ACADM: variants seen among roughly 807,000 people sequenced by gnomAD.
ACADM encodes the protein medium-chain specific acyl-CoA dehydrogenase, mitochondrial.
ACADM carries 49 observed loss-of-function variants against 58.9 expected under a neutral mutation model. The observed-to-expected ratio is 0.83, with a 90% CI of 0.66 to 1.06. The LOEUF (loss-of-function observed/expected upper bound fraction) is 1.06, where lower values mean the gene tolerates loss of function less well. Ranked by LOEUF, ACADM falls within the 50% of genes least tolerant of loss-of-function variation. ACADM has a pLI of 0.00. For synonymous variants in ACADM, 160 were observed against 157.7 expected, an observed-to-expected ratio of 1.01 and a Z score of -0.11; for missense variants, 496 against 507.0, an observed-to-expected ratio of 0.98 and a Z score of 0.21.
rs758921209 is a variant in ACADM, at chr1:75,724,745, T to G, written c.-43T>G. The G allele has an allele frequency of 6.5e-7, 1 of 1,542,938 alleles. No homozygotes were observed. Among genetic ancestry groups the G allele is most frequent in the Non-Finnish European group, 8.7e-7 (1 of 1,145,030 alleles). Reference sequence around the variant, plus strand: ...GCGTTCGGGGAGTATGTCAAGGCCGTGACCCGTGTATTATTGTCCGAGTGG... The same window carrying G: ...GCGTTCGGGGAGTATGTCAAGGCCGGGACCCGTGTATTATTGTCCGAGTGG... On this transcript the variant is annotated 5_prime_UTR_variant, in exon 1 of 12. The change abolishes the stop of an existing upstream ORF in the 5' untranslated region. Transcript: ENST00000370841.
chr1:75,741,532 CAGG>C (rs1215769889), intron 7 of ACADM, among the ~76,000 whole-genome samples: 5 of 152,120 alleles, frequency 3.3e-5, no homozygotes, highest in South Asian at 2.1e-4. Flanking sequence ...GAGGCTGAGG[CAGG>C]AGGATTGCTT....
At chr1:75,724,950 G>T (rs1647025103) in intron 1 of ACADM, 133 bp downstream of exon 1, 1 of 863,016 alleles carries the variant, frequency 1.2e-6, no homozygotes, top group Non-Finnish European at 1.6e-6. Context: ...CAGCCTAGGG[G>T]CCCCCAACCT....
At chr1:75,737,311 T>TATATATATATATAC (rs1210308103) in intron 6 of ACADM, among the ~76,000 whole-genome samples, 2,498 of 101,222 alleles carry the variant, frequency 0.025, 98 homozygotes, top group African/African-American at 0.044. Flanking sequence ...TATATATATA[T>TATATATATATATAC]ATATATATAT....
intron 10 of ACADM, among the ~76,000 whole-genome samples, chr1:75,751,502 T>G (rs1557459397): frequency 6.6e-6 from 1 of 151,572 alleles, no homozygotes; most frequent in Non-Finnish European, 1.5e-5. Flanking sequence ...GCTTTTTTTT[T>G]TTTGCGGGGG....
chr1:75,752,897 T>C (rs1648282930), intron 10 of ACADM, among the ~76,000 whole-genome samples: 1 of 152,172 alleles, frequency 6.6e-6, no homozygotes, highest in South Asian at 2.1e-4. Context: ...AAATTGGCTT[T>C]TGTACTTTTT....
At chr1:75,742,966 GT>G (rs1216345241) in intron 7 of ACADM, among the ~76,000 whole-genome samples, 1 of 152,202 alleles carries the variant, frequency 6.6e-6, no homozygotes, top group Non-Finnish European at 1.5e-5. Flanking sequence ...AATCGAGAAT[GT>G]GCACAGCCAG....
At chr1:75,737,425 G>A (rs1230849358) in intron 6 of ACADM, among the ~76,000 whole-genome samples, 3 of 149,934 alleles carry the variant, frequency 2.0e-5, no homozygotes, top group Non-Finnish European at 4.4e-5. Flanking sequence ...TACTTCACAG[G>A]CTCTAAAAAC....
At chr1:75,744,876 T>G in intron 7 of ACADM, 1 of 388,206 alleles carries the variant, frequency 2.6e-6, no homozygotes, top group Admixed American at 3.7e-5. Context: ...AAATTAGTTT[T>G]GGGAAAGAAA....
rs398123075 is a variant in ACADM at position 75,732,889 on chromosome 1, G to A, written c.253G>A (p.Gly85Ser). The change falls in exon 4 of 12, where the codon GGT (glycine) becomes AGT (serine). Residue 85 changes from glycine (G) to serine (S), a missense_variant. Physicochemically the swap from Gly to Ser is moderately conservative, Grantham distance 56 (BLOSUM62 0). Coordinates refer to ENST00000370841, the MANE Select transcript of ACADM (RefSeq NM_000016.6). ...VPLIRRAWEL[G>S]LMNTHIPENC... The stretch of plus-strand genomic sequence containing the variant: ...CCTAATTAGAAGAGCCTGGGAACTT[G>A]GTTTAATGAACACACACATTCCAGA... 6.2e-7 allele frequency: 1 copy of A among 1,613,848 alleles called. No homozygotes were observed. The highest frequency in any genetic ancestry group is 8.5e-7 in the Non-Finnish European group (1 of 1,179,870).
At chr1:75,756,603 G>A (rs912809260) in intron 10 of ACADM, among the ~76,000 whole-genome samples, 1 of 152,174 alleles carries the variant, frequency 6.6e-6, no homozygotes, top group Admixed American at 6.5e-5. Flanking sequence ...TCATGGGTAG[G>A]AAGAATCAAT....
rs1331587978 is a variant in ACADM, at chr1:75,733,549, T to A, written c.308T>A (p.Phe103Tyr). 1 of 1,613,966 alleles carries A rather than the reference T, an allele frequency of 6.2e-7. No homozygotes were observed. The highest frequency in any genetic ancestry group is 2.2e-5 in the East Asian group (1 of 44,856). Residue 103 changes from phenylalanine (F) to tyrosine (Y), a missense_variant, in exon 5 of 12, where the codon TTT (phenylalanine) becomes TAT (tyrosine). Phe to Tyr is a conservative substitution (Grantham distance 22). Transcript: ENST00000370841. Reference sequence around the variant, plus strand: ...GTAGGAGGTCTTGGACTTGGAACTTTTGATGCTTGTTTAATTAGTGAAGAA... The same window carrying A: ...GTAGGAGGTCTTGGACTTGGAACTTATGATGCTTGTTTAATTAGTGAAGAA... ...ENCGGLGLGT[F>Y]DACLISEELA...
At chr1:75,748,078 C>G (rs1647991375) in intron 8 of ACADM, among the ~76,000 whole-genome samples, 1 of 152,170 alleles carries the variant, frequency 6.6e-6, no homozygotes, top group African/African-American at 2.4e-5. Context: ...GCTCCTGTTT[C>G]TTATTCTGCT....
At chr1:75,750,398 G>T in intron 9 of ACADM, 53 bp from the exon 10 acceptor site, 1 of 1,392,394 alleles carries the variant, frequency 7.2e-7, no homozygotes, top group East Asian at 2.4e-5. Context: ...GGCAGATATT[G>T]TGTGTTTTAA....
At chr1:75,734,290 A>G (rs1470481684) in intron 5 of ACADM, among the ~76,000 whole-genome samples, 2 of 150,172 alleles carry the variant, frequency 1.3e-5, no homozygotes, top group Non-Finnish European at 3.0e-5. Flanking sequence ...CAGCCTCCCA[A>G]GTAACTGGGA....
intron 7 of ACADM, chr1:75,744,111 G>T: frequency 1.9e-6 from 3 of 1,586,166 alleles, no homozygotes; most frequent in Non-Finnish European, 2.6e-6. Flanking sequence ...TTCTCCTGAT[G>T]TTCTGAATGC....
intron 9 of ACADM, among the ~76,000 whole-genome samples, chr1:75,749,901 T>TG (rs1371470902): frequency 3.3e-5 from 5 of 151,778 alleles, no homozygotes; most frequent in Admixed American, 3.3e-4. Context: ...TTAGTAGAGA[T>TG]GGGGTTTCAT....
At chr1:75,749,712 C>CTTTTTTTT (rs35897798) in intron 9 of ACADM, among the ~76,000 whole-genome samples, 153 bp downstream of exon 9, 6 of 118,164 alleles carry the variant, frequency 5.1e-5, no homozygotes, top group South Asian at 2.6e-4. Context: ...ACTTTTCTTT[C>CTTTTTTTT]TTTTTTTTTT....
chr1:75,748,338 T>G (rs1319591031), intron 8 of ACADM, among the ~76,000 whole-genome samples: 1 of 152,212 alleles, frequency 6.6e-6, no homozygotes, highest in African/African-American at 2.4e-5. Context: ...TGTAGCTAGT[T>G]TAGTAGTTTC....
chr1:75,742,152 C>T (rs372022421), intron 7 of ACADM, among the ~76,000 whole-genome samples: 201 of 151,786 alleles, frequency 1.3e-3, no homozygotes, highest in Non-Finnish European at 1.4e-3. Context: ...ACCCCTTCCC[C>T]CCTCCCCACC....
Sources: allele counts gnomAD v4.1 joint callset (sites outside exome capture counted in the v4.1 genomes callset), GRCh38; gene constraint gnomAD v4.1.1; transcripts MANE v1.5; gene names NCBI Gene and HGNC (gene_info 2026-07-23, HGNC 2026-07-21).